Variants in SULT1B1 observed in about 807,000 individuals in gnomAD.
The protein encoded by SULT1B1 is sulfotransferase family 1B member 1.
Under a neutral mutation model 34.6 loss-of-function variants are expected in SULT1B1, and 28 were observed. The ratio of observed to expected loss-of-function variants is 0.81; its 90% confidence interval spans 0.60 to 1.11. The LOEUF (loss-of-function observed/expected upper bound fraction) is 1.11. Among genes scored for constraint, SULT1B1 ranks in the 50% least tolerant of loss-of-function variants. The pLI, the probability that SULT1B1 is intolerant of heterozygous loss-of-function variation, is 0.00. For missense variants in SULT1B1, 374 were observed against 352.2 expected, an observed-to-expected ratio of 1.06 and a Z score of -0.50; for synonymous variants, 147 against 110.2, an observed-to-expected ratio of 1.33 and a Z score of -2.09.
At chr4:69,729,400 A>G (rs1002898025) in intron 7 of SULT1B1, among the ~76,000 whole-genome samples, 1 of 152,040 alleles carries the variant, frequency 6.6e-6, no homozygotes. Flanking sequence ...TCCCCCACAT[A>G]TAGCAAGGGA....
chr4:69,730,521 T>C lies in SULT1B1; in HGVS notation c.758A>G (p.Lys253Arg). 6.2e-7 allele frequency: 1 copy of C among 1,603,708 alleles called. No individual in the cohort carries two copies. The highest frequency in any genetic ancestry group is 8.5e-7 in the Non-Finnish European group (1 of 1,171,904). Residue 253 changes from lysine to arginine, a missense_variant, in exon 7 of 8, where the codon AAA (lysine) becomes AGA (arginine). By Grantham distance (26) the Lys-to-Arg change is conservative. Transcript: ENST00000310613. ...HLPTTVMDHS[K>R]SPFMRKGTAG... ...TTTACCTTTACGCATAAAAGGGGAT[T>C]TGCTATGATCCATCACTGTAGTTGG... is the stretch of plus-strand genomic sequence containing the variant.
chr4:69,726,632 A>T lies in SULT1B1; in HGVS notation c.*456T>A, dbSNP rs1717844007. Reference sequence around the variant, plus strand: ...CAGAGAACAACTTGAAACTCGGTAGACAGCAGTGGAACACAGTGTCCTGGG... The same window carrying T: ...CAGAGAACAACTTGAAACTCGGTAGTCAGCAGTGGAACACAGTGTCCTGGG... On this transcript the variant is annotated 3_prime_UTR_variant, in exon 8 of 8. Transcript: ENST00000310613. 1 of 152,246 alleles carries T rather than the reference A, an allele frequency of 6.6e-6. No individual in the cohort carries two copies. The highest frequency in any genetic ancestry group is 1.5e-5 in the Non-Finnish European group (1 of 68,124). 9.4% of individuals were successfully genotyped at this position (152,246 alleles called of 1,614,324 possible). A position where few individuals can be genotyped will look rare whatever the true frequency, so the allele number is the denominator to read the frequency against.
chr4:69,736,900 A>G (rs1222573680), intron 4 of SULT1B1, among the ~76,000 whole-genome samples: 1 of 152,098 alleles, frequency 6.6e-6, no homozygotes, highest in African/African-American at 2.4e-5. Context: ...TTAGAGTTAC[A>G]CAATGATAGG....
chr4:69,738,004 C>T (rs139679426), intron 4 of SULT1B1, among the ~76,000 whole-genome samples: 33 of 152,186 alleles, frequency 2.2e-4, no homozygotes, highest in African/African-American at 6.3e-4. Flanking sequence ...TTGACTTGTA[C>T]CCTCCTACCA....
intron 1 of SULT1B1, among the ~76,000 whole-genome samples, chr4:69,757,758 T>A (rs1228914402): frequency 6.6e-6 from 1 of 152,182 alleles, no homozygotes; most frequent in African/African-American, 2.4e-5. Context: ...AACAATACGT[T>A]TGTCCTGAAA....
rs1199044809 is a variant in SULT1B1 at position 69,726,756 on chromosome 4, A to G, written c.*332T>C. ...ACCATGGTACTAGGGAGGGGAACTT[A>G]ATTCTAAATCATAATATATGGGAGA... On this transcript the variant is annotated 3_prime_UTR_variant, in exon 8 of 8. Coordinates refer to ENST00000310613, the MANE Select transcript of SULT1B1 (RefSeq NM_014465.4). The G allele has an allele frequency of 6.0e-6, 1 of 165,688 alleles. No homozygotes were observed. The highest frequency in any genetic ancestry group is 6.4e-5 in the Admixed American group (1 of 15,608). The allele number at this position is 165,688 out of a possible 1,614,324, so 10.3% of individuals were successfully genotyped here. A position where few individuals can be genotyped will look rare whatever the true frequency, so the allele number is the denominator to read the frequency against.
Position 69,734,100 on chromosome 4 carries a change from A to G in SULT1B1, c.502+38T>C, listed in dbSNP as rs780020678. On this transcript the variant is annotated intron_variant, in intron 5 of 7. Transcript: ENST00000310613. ...TTATTGTTAATAGTATTATTAAAATAAAAAATACTTATCAATTTTAAGATA... is the reference window on the plus strand; with the variant it reads ...TTATTGTTAATAGTATTATTAAAATGAAAAATACTTATCAATTTTAAGATA... The G allele has an allele frequency of 2.2e-5, 32 of 1,467,010 alleles. No individual in the cohort carries two copies. The South Asian group carries it at 3.8e-4, about 17-fold the overall frequency. 90.9% of individuals were successfully genotyped at this position (1,467,010 alleles called of 1,614,324 possible).
In SULT1B1 at chr4:69,754,740, T is replaced by G; in HGVS notation, c.207A>C (p.Lys69Asn). 1 of 1,613,170 alleles carries G rather than the reference T, an allele frequency of 6.2e-7. No individual in the cohort carries two copies. The change falls in exon 3 of 8, where the codon AAA becomes AAC. Residue 69 changes from lysine (K) to asparagine (N), a missense_variant. Transcript: ENST00000310613. Reference sequence around the variant, plus strand: ...TTTCAGTAATAAAACCTCGCTTACATTTTTCAATATCTCCATCATTTAGAA... The same window carrying G: ...TTTCAGTAATAAAACCTCGCTTACAGTTTTCAATATCTCCATCATTTAGAA... ...DMILNDGDIEKCKRGFITEKV... is the reference protein window; with the variant it reads ...DMILNDGDIENCKRGFITEKV...
chr4:69,736,400 T>A (rs1718312253), intron 4 of SULT1B1, among the ~76,000 whole-genome samples: 1 of 152,056 alleles, frequency 6.6e-6, no homozygotes, highest in Admixed American at 6.5e-5. Context: ...TTCCCCAGAC[T>A]CCAGGCTGCA....
chr4:69,734,888 A>G (rs907581189), intron 4 of SULT1B1, among the ~76,000 whole-genome samples: 8 of 142,766 alleles, frequency 5.6e-5, no homozygotes, highest in Admixed American at 1.5e-4. Context: ...GTGCGATCTC[A>G]GCTCACTGCA....
chr4:69,745,153 G>T (rs1038987038), intron 4 of SULT1B1, among the ~76,000 whole-genome samples: 6 of 152,122 alleles, frequency 3.9e-5, no homozygotes, highest in Non-Finnish European at 5.9e-5. Context: ...GCTGAGTAAA[G>T]CATGTGGTCA....
chr4:69,734,381 G>A, intron 4 of SULT1B1, 117 bp from the exon 5 acceptor site: 5 of 1,098,914 alleles, frequency 4.5e-6, no homozygotes, highest in South Asian at 1.7e-5. Context: ...GAAATTGTGG[G>A]CCAGGGAGGC....
intron 4 of SULT1B1, 129 bp downstream of exon 4, chr4:69,749,592 G>C (rs952168293): frequency 1.8e-6 from 1 of 542,988 alleles, no homozygotes; most frequent in African/African-American, 1.9e-5. Context: ...CGTACAACGT[G>C]AGTGGGTATA....
Position 69,726,877 on chromosome 4 carries a change from A to G in SULT1B1, c.*211T>C, listed in dbSNP as rs1717850689. On this transcript the variant is annotated 3_prime_UTR_variant, in exon 8 of 8. Transcript: ENST00000310613. ...ATTGTTCCTTTGTTACAAAAAGTTA[A>G]CAATGAACTTTAGCCTTAGAGAATT... 2 of 418,688 alleles carry G rather than the reference A, an allele frequency of 4.8e-6. No individual in the cohort carries two copies. Among genetic ancestry groups the G allele is most frequent in the Non-Finnish European group, 4.2e-6 (1 of 237,756 alleles). The allele number at this position is 418,688 out of a possible 1,614,324, so 25.9% of individuals were successfully genotyped here. A position where few individuals can be genotyped will look rare whatever the true frequency, so the allele number is the denominator to read the frequency against.
chr4:69,744,230 G>A (rs752799631), intron 4 of SULT1B1, among the ~76,000 whole-genome samples: 2 of 152,162 alleles, frequency 1.3e-5, no homozygotes, highest in Non-Finnish European at 2.9e-5. Context: ...GCAGGCTCTC[G>A]GGGGAGTGCC....
chr4:69,757,287 T>A (rs527952973), intron 1 of SULT1B1, among the ~76,000 whole-genome samples: 79 of 152,308 alleles, frequency 5.2e-4, no homozygotes, highest in Non-Finnish European at 1.0e-3. Context: ...TTTGAACTAA[T>A]TGCAGCATAA....
rs186114237 is a variant in SULT1B1 at position 69,734,234 on chromosome 4, C to T, written c.406G>A (p.Val136Ile). 1.1e-4 allele frequency: 171 copies of T among 1,612,450 alleles called. 2 individuals carry two copies. In the East Asian group the frequency reaches 3.2e-3, roughly 30 times the overall value. The change falls in exon 5 of 8, where the codon GTT (valine) becomes ATT (isoleucine). Residue 136 changes from valine (V) to isoleucine (I), a missense_variant. Transcript: ENST00000310613. The stretch of plus-strand genomic sequence containing the variant: ...TCAAAATGGTAATATGAGACTGAAA[C>T]ATCCTTGGCATTACGAGCCAGATAA... ...MIYLARNAKD[V>I]SVSYYHFDLM...
intron 7 of SULT1B1, among the ~76,000 whole-genome samples, chr4:69,728,720 T>C (rs1419944219): frequency 6.6e-6 from 1 of 152,082 alleles, no homozygotes; most frequent in East Asian, 1.9e-4. Flanking sequence ...TACTTCTGTA[T>C]GCATTATTTA....
Position 69,721,238 on chromosome 4 carries a change from T to C in SULT1B1, c.*5850A>G, listed in dbSNP as rs1717662809. ...AGGATTACTTCACTGCTGAAAGTAA[T>C]GTCTCGATAATGTGGAAATTTTACA... On this transcript the variant is annotated 3_prime_UTR_variant, in exon 8 of 8. Transcript: ENST00000310613. The C allele has an allele frequency of 6.6e-6, 1 of 152,200 alleles. No homozygotes were observed. The highest frequency in any genetic ancestry group is 2.4e-5 in the African/African-American group (1 of 41,476). The allele number at this position is 152,200 out of a possible 1,614,324, so 9.4% of individuals were successfully genotyped here.
Sources: allele counts gnomAD v4.1 joint callset (sites outside exome capture counted in the v4.1 genomes callset), GRCh38; gene constraint gnomAD v4.1.1; transcripts MANE v1.5; gene names NCBI Gene and HGNC (gene_info 2026-07-23, HGNC 2026-07-21).